ARFGEF3: variants seen among roughly 807,000 people sequenced by gnomAD.
The protein encoded by ARFGEF3 is brefeldin A-inhibited guanine nucleotide-exchange protein 3.
Under a neutral mutation model 221.7 loss-of-function variants are expected in ARFGEF3, and 96 were observed. The observed-to-expected ratio is 0.43, with a 90% CI of 0.37 to 0.51. The LOEUF (loss-of-function observed/expected upper bound fraction) is 0.51, where lower values mean the gene tolerates loss of function less well. ARFGEF3 is among the 20% of genes least tolerant of loss of function. ARFGEF3 has a pLI of 0.00. For missense variants in ARFGEF3, 2,410 were observed against 2,789.9 expected (o/e 0.86, Z 3.07); for synonymous variants, 1,145 against 1,126.8 (o/e 1.02, Z -0.32).
chr6:138,179,281 G>A (rs986112092), intron 2 of ARFGEF3, among the ~76,000 whole-genome samples: 1 of 152,142 alleles, frequency 6.6e-6, no homozygotes, highest in African/African-American at 2.4e-5. Flanking sequence ...TTTGTCAAAA[G>A]GCAGCCATTG....
intron 20 of ARFGEF3, among the ~76,000 whole-genome samples, chr6:138,296,210 C>T (rs1779517520): frequency 6.6e-6 from 1 of 152,130 alleles, no homozygotes; most frequent in South Asian, 2.1e-4. Flanking sequence ...TGTTACTGAG[C>T]AGCAGGGGGA....
chr6:138,311,372 A>G (rs1779825341), intron 24 of ARFGEF3, 35 bp from the exon 25 acceptor site: 1 of 1,411,332 alleles, frequency 7.1e-7, no homozygotes, highest in African/African-American at 1.4e-5. Flanking sequence ...CGCAAGGGTA[A>G]CACTGTTGGT....
chr6:138,212,822 A>G (rs1777757571), intron 4 of ARFGEF3, among the ~76,000 whole-genome samples: 1 of 152,208 alleles, frequency 6.6e-6, no homozygotes, highest in Non-Finnish European at 1.5e-5. Flanking sequence ...TGGGAATTGA[A>G]CAATGAGAAC....
At chr6:138,331,805 T>C (rs957520053) in intron 32 of ARFGEF3, among the ~76,000 whole-genome samples, 1 of 152,236 alleles carries the variant, frequency 6.6e-6, no homozygotes, top group Non-Finnish European at 1.5e-5. Context: ...CTGTGTCTCC[T>C]GTCAGCGTAG....
chr6:138,267,787 A>G (rs11967746), intron 12 of ARFGEF3, among the ~76,000 whole-genome samples: 2,054 of 152,354 alleles, frequency 0.013, 38 homozygotes, highest in African/African-American at 0.047. Flanking sequence ...CAAATTTTAG[A>G]GTTCCGTAAA....
At chr6:138,246,441 G>A (rs772805161) in intron 8 of ARFGEF3, among the ~76,000 whole-genome samples, 7 of 152,222 alleles carry the variant, frequency 4.6e-5, no homozygotes, top group Non-Finnish European at 8.8e-5. Flanking sequence ...AGGCAAGAAT[G>A]AGGACTCTCA....
At position 138,334,426 on chromosome 6, in the gene ARFGEF3, A is replaced by C. The variant is rs773040071; in HGVS notation, c.5580A>C (p.Glu1860Asp). ...DSSQQCSSED[E>D]DIFEETAQVS... ...CCCAGCAGTGTTCATCTGAGGATGA[A>C]GACATCTTTGAGGAAACCGCCCAGG... The change falls in exon 33 of 34, where the codon GAA (glutamate) becomes GAC (aspartate). Residue 1860 changes from glutamate to aspartate, a missense_variant. By Grantham distance (45) the Glu-to-Asp change is conservative (BLOSUM62 2). Transcript: ENST00000251691. This position sits in a 1 kb window ranked among gnomAD's most constrained non-coding sequence, Gnocchi z 5.1. 6.2e-7 allele frequency: 1 copy of C among 1,612,004 alleles called. No individual in the cohort carries two copies. Among genetic ancestry groups the C allele is most frequent in the East Asian group, 2.2e-5 (1 of 44,842 alleles).
intron 19 of ARFGEF3, among the ~76,000 whole-genome samples, chr6:138,292,768 A>G (rs1031383759): frequency 1.2e-4 from 18 of 152,222 alleles, no homozygotes; most frequent in South Asian, 2.1e-4. Flanking sequence ...TGCACTCCCC[A>G]GCTGCCGGGT....
chr6:138,240,244 TA>T (rs1317765130), intron 6 of ARFGEF3, among the ~76,000 whole-genome samples: 1 of 152,168 alleles, frequency 6.6e-6, no homozygotes, highest in Non-Finnish European at 1.5e-5. Context: ...TTAATTGAGA[TA>T]AATCTAAGAT....
intron 2 of ARFGEF3, among the ~76,000 whole-genome samples, chr6:138,199,677 G>C (rs1386459451): frequency 6.6e-6 from 1 of 152,016 alleles, no homozygotes; most frequent in Non-Finnish European, 1.5e-5. Flanking sequence ...TTCTCCACTT[G>C]GTCACTGTTG....
At chr6:138,244,317 C>T (rs373715391) in intron 7 of ARFGEF3, among the ~76,000 whole-genome samples, 5 of 152,212 alleles carry the variant, frequency 3.3e-5, no homozygotes, top group African/African-American at 9.6e-5. Context: ...CTTGACGTAC[C>T]GTCATCATTC....
chr6:138,178,758 G>T (rs1193253178), intron 2 of ARFGEF3, among the ~76,000 whole-genome samples: 1 of 152,158 alleles, frequency 6.6e-6, no homozygotes, highest in African/African-American at 2.4e-5. Flanking sequence ...CTTAGAAAAT[G>T]CAGTATTTGA....
intron 8 of ARFGEF3, among the ~76,000 whole-genome samples, chr6:138,252,956 C>T (rs904983741): frequency 2.0e-5 from 3 of 152,188 alleles, no homozygotes; most frequent in Non-Finnish European, 1.5e-5. Flanking sequence ...GCTGTCTGTT[C>T]TCTTCATCTG....
chr6:138,315,633 C>T (rs1295163908), intron 26 of ARFGEF3, among the ~76,000 whole-genome samples: 6 of 152,036 alleles, frequency 3.9e-5, no homozygotes, highest in South Asian at 2.1e-4. Context: ...CGGTGGATCA[C>T]GAGGTCAGGA....
At chr6:138,323,991 G>A (rs1780082894) in intron 30 of ARFGEF3, 32 bp from the exon 31 acceptor site, 1 of 1,606,730 alleles carries the variant, frequency 6.2e-7, no homozygotes, top group Non-Finnish European at 8.5e-7. Context: ...GAACCAGGAT[G>A]CATTCAGTGA....
intron 10 of ARFGEF3, among the ~76,000 whole-genome samples, chr6:138,260,587 T>C (rs1415873688): frequency 6.6e-6 from 1 of 152,104 alleles, no homozygotes; most frequent in Non-Finnish European, 1.5e-5. Flanking sequence ...CAGAAAGCCT[T>C]AATGTCCTAA....
At chr6:138,176,573 A>G (rs995218474) in intron 2 of ARFGEF3, among the ~76,000 whole-genome samples, 2 of 151,838 alleles carry the variant, frequency 1.3e-5, no homozygotes, top group East Asian at 3.9e-4. Flanking sequence ...TTGGTATGTG[A>G]GGTTTTGTTC....
chr6:138,184,446 A>G (rs1027347164), intron 2 of ARFGEF3, among the ~76,000 whole-genome samples: 1 of 152,164 alleles, frequency 6.6e-6, no homozygotes, highest in Non-Finnish European at 1.5e-5. Context: ...GGCAGTTTGC[A>G]GTGTGATTAA....
At position 138,162,204 on chromosome 6, in the gene ARFGEF3, A is replaced by G. The variant is rs905683275; in HGVS notation, c.85+33A>G. On this transcript the variant is annotated intron_variant, in intron 1 of 33. Coordinates refer to ENST00000251691, the MANE Select transcript of ARFGEF3 (RefSeq NM_020340.5). The surrounding 1 kb of genome is among the most constrained non-coding windows in gnomAD (Gnocchi z 4.7). ...TCCGGCACCTGCTCGCCGCGGCGGG[A>G]GGGCCGCGCGGCCGGGGCTGAACCC... 6.5e-7 allele frequency: 1 copy of G among 1,539,676 alleles called. No individual in the cohort carries two copies. The highest frequency in any genetic ancestry group is 8.9e-7 in the Non-Finnish European group (1 of 1,128,388).
Sources: gnomAD v4.1 joint callset for allele counts (sites outside exome capture counted in the v4.1 genomes callset) on GRCh38, gnomAD v4.1.1 for gene constraint, Gnocchi (gnomAD v3.1) non-coding constraint, MANE v1.5 for transcripts, NCBI Gene and HGNC (gene_info 2026-07-23, HGNC 2026-07-21) for gene names.